The following ASCC3 variants were observed in gnomAD, a reference collection of about 807,000 sequenced individuals.
ASCC3 encodes ASC-1 complex subunit P200.
ASCC3 carries 158 observed loss-of-function variants against 256.3 expected under a neutral mutation model. That is an observed-to-expected ratio of 0.62 (90% CI 0.54 to 0.70). ASCC3 has a LOEUF of 0.70. Ranked by LOEUF, ASCC3 falls within the 30% of genes least tolerant of loss-of-function variation. The probability of loss-of-function intolerance (pLI) is 0.00; values close to 1 mark genes in which losing one functional copy is unlikely to be tolerated. For missense variants in ASCC3, 2,259 were observed against 2,626.0 expected (o/e 0.86, Z 3.05); for synonymous variants, 948 against 883.4 (o/e 1.07, Z -1.30).
At chr6:100,528,228 A>T (rs1008648136) in intron 37 of ASCC3, among the ~76,000 whole-genome samples, 5 of 152,188 alleles carry the variant, frequency 3.3e-5, no homozygotes. Flanking sequence ...TATAGGAAAA[A>T]TATAATACTA....
At chr6:100,765,361 T>C (rs1781603156) in intron 10 of ASCC3, among the ~76,000 whole-genome samples, 1 of 152,314 alleles carries the variant, frequency 6.6e-6, no homozygotes, top group South Asian at 2.1e-4. Context: ...TATACTCTCC[T>C]TCCTTTTGGA....
chr6:100,744,703 C>T (rs1780583720), intron 10 of ASCC3, among the ~76,000 whole-genome samples: 1 of 152,040 alleles, frequency 6.6e-6, no homozygotes, highest in South Asian at 2.1e-4. Context: ...TTTAGGTAAT[C>T]ATATACACTC....
intron 13 of ASCC3, among the ~76,000 whole-genome samples, chr6:100,703,417 A>C (rs1386852241): frequency 5.9e-5 from 9 of 152,000 alleles, no homozygotes; most frequent in Non-Finnish European, 1.2e-4. Flanking sequence ...AGAATAGCTT[A>C]ATAATTTGGT....
chr6:100,682,639 T>C (rs1777364045), intron 13 of ASCC3, among the ~76,000 whole-genome samples: 1 of 152,220 alleles, frequency 6.6e-6, no homozygotes, highest in African/African-American at 2.4e-5. Context: ...ACCAAGTGCT[T>C]AGTACAGCAC....
At chr6:100,858,149 T>G (rs927390421) in intron 3 of ASCC3, 3 of 451,408 alleles carry the variant, frequency 6.6e-6, no homozygotes, top group Non-Finnish European at 8.8e-6. Flanking sequence ...ATTTTAAAAT[T>G]TAAGGTAAAA....
chr6:100,566,624 C>CTTGT (rs1770264446), intron 36 of ASCC3, among the ~76,000 whole-genome samples: 2 of 152,198 alleles, frequency 1.3e-5, no homozygotes, highest in Admixed American at 1.3e-4. Context: ...ATTGTCTCTA[C>CTTGT]TTGTACCTAA....
intron 1 of ASCC3, among the ~76,000 whole-genome samples, chr6:100,878,606 T>C (rs1177830927): frequency 6.6e-6 from 1 of 152,204 alleles, no homozygotes; most frequent in Non-Finnish European, 1.5e-5. Flanking sequence ...GTATGTATTA[T>C]AACTCTTCCC....
chr6:100,703,566 A>G (rs1778442268), intron 13 of ASCC3, among the ~76,000 whole-genome samples: 1 of 152,002 alleles, frequency 6.6e-6, no homozygotes, highest in Non-Finnish European at 1.5e-5. Context: ...TTGAATTACA[A>G]TGTCCAATTT....
chr6:100,614,885 T>C (rs1244180947), intron 30 of ASCC3, among the ~76,000 whole-genome samples: 1 of 152,188 alleles, frequency 6.6e-6, no homozygotes, highest in Non-Finnish European at 1.5e-5. Flanking sequence ...AAATGAAGAA[T>C]GTCTAAAATT....
In ASCC3 at chr6:100,864,040, A is replaced by G. The variant is rs758033442; in HGVS notation, c.241+24T>C. On this transcript the variant is annotated intron_variant, in intron 3 of 41. Transcript: ENST00000369162. ...ACCTTACTGGTTCTCTTTAAAAAAA[A>G]AAAAGAAAAAAAGAAAACTATACCT... is the stretch of plus-strand genomic sequence containing the variant. 2.7e-6 allele frequency: 4 copies of G among 1,505,532 alleles called. No individual in the cohort carries two copies. In the African/African-American group the frequency reaches 5.6e-5, roughly 21 times the overall value. The allele number at this position is 1,505,532 out of a possible 1,614,324, so 93.3% of individuals were successfully genotyped here. A position where few individuals can be genotyped will look rare whatever the true frequency, so the allele number is the denominator to read the frequency against.
chr6:100,552,322 AAT>A (rs1004202030), intron 36 of ASCC3, among the ~76,000 whole-genome samples: 43 of 151,990 alleles, frequency 2.8e-4, no homozygotes, highest in African/African-American at 1.0e-3. Context: ...TACTTTAAAA[AAT>A]ATGATTCTTA....
At chr6:100,807,132 T>C (rs1302416320) in intron 4 of ASCC3, among the ~76,000 whole-genome samples, 1 of 151,782 alleles carries the variant, frequency 6.6e-6, no homozygotes, top group East Asian at 1.9e-4. Context: ...GAAATGAATA[T>C]GCAATATATT....
At chr6:100,534,368 C>T (rs992219168) in intron 37 of ASCC3, among the ~76,000 whole-genome samples, 10 of 152,224 alleles carry the variant, frequency 6.6e-5, no homozygotes, top group African/African-American at 2.4e-4. Context: ...CAAATTTGAA[C>T]ATTTAGACAA....
chr6:100,773,857 CAAAG>C (rs1782051495), intron 8 of ASCC3, among the ~76,000 whole-genome samples: 2 of 151,994 alleles, frequency 1.3e-5, no homozygotes, highest in African/African-American at 4.8e-5. Context: ...TAATGTCCTC[CAAAG>C]AAATACTAAA....
At chr6:100,600,715 CT>C (rs1562153890) in intron 34 of ASCC3, among the ~76,000 whole-genome samples, 2 of 152,024 alleles carry the variant, frequency 1.3e-5, no homozygotes, top group Non-Finnish European at 2.9e-5. Context: ...AACATTGACC[CT>C]CCCTCCATTC....
chr6:100,841,911 A>G (rs1412398862), intron 4 of ASCC3, among the ~76,000 whole-genome samples: 2 of 152,152 alleles, frequency 1.3e-5, no homozygotes, highest in Non-Finnish European at 2.9e-5. Flanking sequence ...GAATAAGTAT[A>G]CCTCATTACA....
chr6:100,626,004 G>A, intron 29 of ASCC3, among the ~76,000 whole-genome samples: 1 of 151,918 alleles, frequency 6.6e-6, no homozygotes, highest in East Asian at 1.9e-4. Context: ...AATGGGACAT[G>A]GTAGTCAACA....
At chr6:100,801,652 C>T (rs574991854) in intron 5 of ASCC3, among the ~76,000 whole-genome samples, 3 of 151,640 alleles carry the variant, frequency 2.0e-5, no homozygotes, top group Non-Finnish European at 4.4e-5. Context: ...AATAAAATCC[C>T]ATCTATATTA....
rs563293814 is a variant in ASCC3, at chr6:100,813,483, A to C, written c.802-7603T>G. Among the ~76,000 whole-genome samples, 90 of 151,582 alleles carry C rather than the reference A, an allele frequency of 5.9e-4. 1 individual carries two copies. Among genetic ancestry groups the C allele is most frequent in the Admixed American group, 3.5e-3 (53 of 15,200 alleles). On this transcript the variant is annotated intron_variant, in intron 4 of 41. Transcript: ENST00000369162. ...AAAAAACAACAACAACAAAAAAAAA[A>C]CACAAAAAACCTAAGAGATTTTGTT... is the stretch of plus-strand genomic sequence containing the variant.
Sources: allele counts gnomAD v4.1 joint callset (sites outside exome capture counted in the v4.1 genomes callset), GRCh38; gene constraint gnomAD v4.1.1; transcripts MANE v1.5; gene names NCBI Gene and HGNC (gene_info 2026-07-23, HGNC 2026-07-21).